Variants in SLC30A8 observed in about 807,000 individuals in gnomAD.
SLC30A8 encodes the protein solute carrier family 30 member 8.
In SLC30A8, 27 loss-of-function variants were observed where a neutral mutation model predicts 36.9. The ratio of observed to expected loss-of-function variants is 0.73; its 90% CI spans 0.54 to 1.01. SLC30A8 has a LOEUF of 1.01. Ranked by LOEUF, SLC30A8 falls within the 50% of genes least tolerant of loss-of-function variation. The pLI is 0.00. For synonymous variants in SLC30A8, 164 were observed against 172.4 expected (o/e 0.95, Z 0.38); for missense variants, 439 against 452.0 (o/e 0.97, Z 0.26).
At chr8:117,017,725 T>C (rs1272582503) in intron 1 of SLC30A8, among the ~76,000 whole-genome samples, 1 of 152,226 alleles carries the variant, frequency 6.6e-6, no homozygotes. Flanking sequence ...ATTTAACTTT[T>C]ATTGGCTGCC....
At chr8:117,052,321 T>C (rs1166332058) in intron 2 of SLC30A8, among the ~76,000 whole-genome samples, 4 of 152,194 alleles carry the variant, frequency 2.6e-5, no homozygotes, top group African/African-American at 9.7e-5. Context: ...AAGCCTTTAT[T>C]CTTTATAAAT....
chr8:116,953,030 C>T (rs2130572101), intron 1 of SLC30A8, among the ~76,000 whole-genome samples: 1 of 151,568 alleles, frequency 6.6e-6, no homozygotes, highest in African/African-American at 2.4e-5. Flanking sequence ...CTCCCTTTCT[C>T]TCCCCTTTTA....
rs1366698546 is a variant in SLC30A8 at position 117,030,303 on chromosome 8, A to G, written c.-265-8916A>G. Among the ~76,000 whole-genome samples, 5 of 151,426 alleles carry G rather than the reference A, an allele frequency of 3.3e-5. No individual in the cohort carries two copies. The East Asian group carries it at 9.6e-4, about 29-fold the overall frequency. On this transcript the variant is annotated intron_variant, in intron 1 of 10. Transcript: ENST00000427715. The stretch of plus-strand genomic sequence containing the variant: ...CCAAAACAACTTTTACTAGGAAAAG[A>G]TGCTCTGCATGTAAAAATATATGCA...
intron 2 of SLC30A8, among the ~76,000 whole-genome samples, chr8:117,046,113 G>A (rs751515730): frequency 3.3e-5 from 5 of 152,132 alleles, no homozygotes; most frequent in Non-Finnish European, 7.3e-5. Context: ...CAGGATCAGA[G>A]GGAGAGGTTG....
intron 2 of SLC30A8, among the ~76,000 whole-genome samples, chr8:117,108,565 TA>T (rs1165557097): frequency 6.6e-6 from 1 of 152,222 alleles, no homozygotes; most frequent in East Asian, 1.9e-4. Flanking sequence ...ATAACGATCC[TA>T]AAAAAAGATG....
chr8:117,031,799 C>T (rs1184918400), intron 1 of SLC30A8, among the ~76,000 whole-genome samples: 1 of 152,090 alleles, frequency 6.6e-6, no homozygotes, highest in Non-Finnish European at 1.5e-5. Context: ...AAGTAAGTCA[C>T]ACATTCCTGC....
intron 4 of SLC30A8, 99 bp downstream of exon 4, chr8:117,157,943 G>A: frequency 1.1e-5 from 15 of 1,327,636 alleles, no homozygotes; most frequent in Non-Finnish European, 1.6e-5. Context: ...TGTGAAGATG[G>A]TAGAGACTGG....
intron 1 of SLC30A8, among the ~76,000 whole-genome samples, chr8:116,969,316 G>A (rs891981343): frequency 1.3e-5 from 2 of 152,166 alleles, no homozygotes; most frequent in Non-Finnish European, 2.9e-5. Flanking sequence ...TATTCGGGAG[G>A]CTGAGGCAGG....
chr8:116,982,887 T>C (rs1815323005), intron 1 of SLC30A8, among the ~76,000 whole-genome samples: 1 of 152,142 alleles, frequency 6.6e-6, no homozygotes, highest in South Asian at 2.1e-4. Context: ...CTTTGTGTGC[T>C]TGTGTATTTG....
At chr8:117,141,061 G>T (rs909180347) in intron 1 of SLC30A8, among the ~76,000 whole-genome samples, 5 of 152,000 alleles carry the variant, frequency 3.3e-5, no homozygotes, top group African/African-American at 1.2e-4. Context: ...GAAAGCCCAA[G>T]TCCAGATGTC....
chr8:116,985,806 G>GT (rs758760837), intron 1 of SLC30A8, among the ~76,000 whole-genome samples: 3 of 152,078 alleles, frequency 2.0e-5, no homozygotes, highest in Non-Finnish European at 4.4e-5. Context: ...AATGCGTTCT[G>GT]TTTTTTCTGC....
intron 1 of SLC30A8, among the ~76,000 whole-genome samples, chr8:116,981,735 A>G (rs1469558283): frequency 6.6e-6 from 1 of 152,166 alleles, no homozygotes; most frequent in East Asian, 1.9e-4. Flanking sequence ...TGTTGCTGCA[A>G]AAGACATGAT....
intron 6 of SLC30A8, among the ~76,000 whole-genome samples, chr8:117,165,356 A>G (rs1823006347): frequency 1.3e-5 from 2 of 152,236 alleles, no homozygotes; most frequent in South Asian, 2.1e-4. Flanking sequence ...ATGAAGCTAC[A>G]TTGTGGAGAT....
intron 3 of SLC30A8, among the ~76,000 whole-genome samples, chr8:117,156,810 T>C (rs1822512215): frequency 6.6e-6 from 1 of 152,224 alleles, no homozygotes; most frequent in South Asian, 2.1e-4. Context: ...TGTAAATGAC[T>C]AAAGTCTGGG....
chr8:116,989,728 G>A (rs1321098534), intron 1 of SLC30A8, among the ~76,000 whole-genome samples: 2 of 152,188 alleles, frequency 1.3e-5, no homozygotes, highest in South Asian at 2.1e-4. Flanking sequence ...ATAAGTGTAT[G>A]CAGAAGAGGA....
upstream of SLC30A8, among the ~76,000 whole-genome samples, chr8:117,133,725 CT>C (rs1821232376): frequency 6.6e-6 from 1 of 151,952 alleles, no homozygotes. Context: ...ATTAGTAATT[CT>C]TTTCTGGTTT....
intron 1 of SLC30A8, among the ~76,000 whole-genome samples, chr8:116,952,284 T>C (rs1287480140): frequency 1.3e-5 from 2 of 152,222 alleles, no homozygotes; most frequent in East Asian, 3.8e-4. Flanking sequence ...GACTGTATCC[T>C]AAGAGCCTGG....
At chr8:117,089,785 C>T (rs563719653) in intron 2 of SLC30A8, among the ~76,000 whole-genome samples, 3 of 152,260 alleles carry the variant, frequency 2.0e-5, no homozygotes, top group African/African-American at 7.2e-5. Flanking sequence ...AGTACCCCAG[C>T]ATGACTTACG....
At chr8:117,067,816 T>C (rs1290916587) in intron 2 of SLC30A8, among the ~76,000 whole-genome samples, 2 of 152,226 alleles carry the variant, frequency 1.3e-5, no homozygotes, top group Admixed American at 1.3e-4. Context: ...CACAATGTTC[T>C]AGTCATACTA....
Sources: gnomAD v4.1 joint callset for allele counts (sites outside exome capture counted in the v4.1 genomes callset) on GRCh38, gnomAD v4.1.1 for gene constraint, MANE v1.5 for transcripts, NCBI Gene and HGNC (gene_info 2026-07-23, HGNC 2026-07-21) for gene names.